The following DAAM2 variants were observed in gnomAD, a reference collection of about 807,000 sequenced individuals.
DAAM2 encodes the protein dishevelled associated activator of morphogenesis 2.
In DAAM2, 39 loss-of-function variants were observed where a neutral mutation model predicts 120.7. That is an observed-to-expected ratio of 0.32 (90% confidence interval 0.25 to 0.42). The LOEUF (loss-of-function observed/expected upper bound fraction) is 0.42, where lower values mean the gene tolerates loss of function less well. Ranked by LOEUF, DAAM2 falls within the 10% of genes least tolerant of loss-of-function variation. The pLI is 1.00. For synonymous variants in DAAM2, 488 were observed against 524.9 expected (o/e 0.93, Z 0.96); for missense variants, 1,283 against 1,401.7 (o/e 0.92, Z 1.35).
At chr6:39,853,746 C>T (rs781494192) in intron 1 of DAAM2, among the ~76,000 whole-genome samples, 5 of 152,204 alleles carry the variant, frequency 3.3e-5, no homozygotes, top group Non-Finnish European at 7.3e-5. Context: ...CCTCATGGTG[C>T]TGTCATCCCA....
intron 1 of DAAM2, among the ~76,000 whole-genome samples, chr6:39,846,827 G>A (rs1472464428): frequency 6.6e-6 from 1 of 151,838 alleles, no homozygotes; most frequent in Non-Finnish European, 1.5e-5. Context: ...CTCTTAGCAT[G>A]GTACTTAGGG....
At position 39,902,569 on chromosome 6, in the gene DAAM2, T is replaced by C. The variant is rs1766554933; in HGVS notation, c.*532T>C. 1.3e-5 allele frequency: 2 copies of C among 152,472 alleles called. No individual in the cohort carries two copies. Among genetic ancestry groups the C allele is most frequent in the African/African-American group, 4.8e-5 (2 of 41,446 alleles). The allele number at this position is 152,472 out of a possible 1,614,324, so 9.4% of individuals were successfully genotyped here. ...GGAACAGAGGAGGCATTATATATTC[T>C]AGTTAGATCAGCTCTGGTAGGTTCC... On this transcript the variant is annotated 3_prime_UTR_variant, in exon 25 of 25. Transcript: ENST00000274867.
intron 19 of DAAM2, among the ~76,000 whole-genome samples, chr6:39,894,950 A>G (rs780976581): frequency 6.6e-6 from 1 of 152,108 alleles, no homozygotes; most frequent in Non-Finnish European, 1.5e-5. Context: ...GGAATGATAG[A>G]GTATGAATAA....
intron 1 of DAAM2, among the ~76,000 whole-genome samples, chr6:39,800,077 C>A (rs1761814366): frequency 6.6e-6 from 1 of 152,192 alleles, no homozygotes; most frequent in South Asian, 2.1e-4. Context: ...ACTTACACAG[C>A]TTTACATATT....
chr6:39,901,136 TGATG>T lies in DAAM2; in HGVS notation c.2812-165_2812-162del, dbSNP rs967014685. On this transcript the variant is annotated intron_variant, in intron 23 of 24. Coordinates refer to ENST00000274867, the MANE Select transcript of DAAM2 (RefSeq NM_001201427.2). The surrounding 1 kb of genome is among the most constrained non-coding windows in gnomAD (Gnocchi z 4.5). Reference sequence around the variant, plus strand: ...CTCTCCTTAGCCTTGTCTCTGATCCTGATGATGATGGGGGTGTCTTCTCACCTCT... The same window carrying T: ...CTCTCCTTAGCCTTGTCTCTGATCCTATGATGGGGGTGTCTTCTCACCTCT... Among the ~76,000 whole-genome samples the T allele has an allele frequency of 2.0e-5, 3 of 152,062 alleles. No individual in the cohort carries two copies. The highest frequency in any genetic ancestry group is 4.8e-5 in the African/African-American group (2 of 41,408).
chr6:39,810,159 T>A (rs1208752748), intron 1 of DAAM2, among the ~76,000 whole-genome samples: 1 of 152,142 alleles, frequency 6.6e-6, no homozygotes, highest in Non-Finnish European at 1.5e-5. Context: ...TGAATAGAGG[T>A]CCCAAACTGC....
At chr6:39,869,753 C>CTTTTT (rs531295826) in intron 7 of DAAM2, among the ~76,000 whole-genome samples, 3 of 102,036 alleles carry the variant, frequency 2.9e-5, no homozygotes, top group Admixed American at 1.1e-4. Context: ...CGCCAGCATA[C>CTTTTT]TTTTTTTTTT....
chr6:39,804,522 C>CTGTG (rs10688621), intron 1 of DAAM2, among the ~76,000 whole-genome samples: 42,528 of 149,302 alleles, frequency 0.28, 6,194 homozygotes, highest in Non-Finnish European at 0.34. Flanking sequence ...GAGATCAGTT[C>CTGTG]TGTGTGTGTG....
rs1403342617 is a variant in DAAM2 at position 39,902,082 on chromosome 6, G to A, written c.*45G>A. On this transcript the variant is annotated 3_prime_UTR_variant, in exon 25 of 25. Transcript: ENST00000274867. ...AGGAGGCCGGGAGACAGGGACTGGT[G>A]AGAATGGGGCTGAGTGGAGGAGGTG... 3 of 1,515,938 alleles carry A rather than the reference G, an allele frequency of 2.0e-6. No homozygotes were observed. Among genetic ancestry groups the A allele is most frequent in the Non-Finnish European group, 1.8e-6 (2 of 1,107,032 alleles). The allele number at this position is 1,515,938 out of a possible 1,614,324, so 93.9% of individuals were successfully genotyped here.
At chr6:39,857,667 A>G (rs1764060823) in intron 2 of DAAM2, among the ~76,000 whole-genome samples, 1 of 152,176 alleles carries the variant, frequency 6.6e-6, no homozygotes, top group South Asian at 2.1e-4. Context: ...TATTCAACAG[A>G]TATTTACTGA....
At position 39,870,403 on chromosome 6, in the gene DAAM2, A is replaced by G. The variant is rs1294341419; in HGVS notation, c.937A>G (p.Ile313Val). Residue 313 changes from isoleucine (I) to valine (V), a missense_variant, in exon 8 of 25, where the codon ATT becomes GTT. By Grantham distance (29) the Ile-to-Val change is conservative. Transcript: ENST00000274867. ...EFLMLGIQPV[I>V]DKLRQHENAI... is the part of the protein sequence containing the mutation. ...CCTGATGCTGGGTATACAGCCTGTGATTGACAAGCTCCGGCAACATGAAAA... is the reference window on the plus strand; with the variant it reads ...CCTGATGCTGGGTATACAGCCTGTGGTTGACAAGCTCCGGCAACATGAAAA... 3.1e-6 allele frequency: 5 copies of G among 1,587,314 alleles called. No individual in the cohort carries two copies. Among genetic ancestry groups the G allele is most frequent in the East Asian group, 2.3e-5 (1 of 43,964 alleles).
At chr6:39,828,111 C>T (rs1052702466) in intron 1 of DAAM2, among the ~76,000 whole-genome samples, 5 of 152,212 alleles carry the variant, frequency 3.3e-5, no homozygotes, top group African/African-American at 9.7e-5. Flanking sequence ...GTCTGACTCT[C>T]GCTAGACTAT....
rs373784214 is a variant in DAAM2 at position 39,875,310 on chromosome 6, T to C, written c.1163-20T>C. On this transcript the variant is annotated intron_variant, in intron 10 of 24. Coordinates refer to ENST00000274867, the MANE Select transcript of DAAM2 (RefSeq NM_001201427.2). ...GGGACTTCAGGACTCAGGAAAGATA[T>C]GATACCTGTCATCCCTCAGACAAAC... The C allele has an allele frequency of 2.9e-5, 46 of 1,611,248 alleles. No homozygotes were observed. Among genetic ancestry groups the C allele is most frequent in the Non-Finnish European group, 3.5e-5 (41 of 1,178,486 alleles).
chr6:39,888,890 G>A, intron 17 of DAAM2, 127 bp downstream of exon 17: 1 of 576,926 alleles, frequency 1.7e-6, no homozygotes, highest in South Asian at 3.4e-5. Context: ...TAGGGAGAAG[G>A]TTTATAGAAG....
intron 1 of DAAM2, among the ~76,000 whole-genome samples, chr6:39,812,254 C>G (rs764824713): frequency 6.6e-6 from 1 of 152,186 alleles, no homozygotes; most frequent in Non-Finnish European, 1.5e-5. Flanking sequence ...CTAAATAATA[C>G]CTACCATGTA....
chr6:39,868,720 TGG>T, intron 6 of DAAM2, 101 bp from the exon 7 acceptor site: 2 of 793,322 alleles, frequency 2.5e-6, no homozygotes, highest in Non-Finnish European at 4.2e-6. Context: ...AGAGAGCAGA[TGG>T]GGCATTCTAG....
Position 39,891,724 on chromosome 6 carries a change from TAGGG to T in DAAM2, c.2341+3_2341+6del. On this transcript the variant is annotated splice_donor_5th_base_variant and intron_variant, in intron 19 of 24. Transcript: ENST00000274867. ...CTGAGGCAAAGCCCAAAGTGGAAGG[TAGGG>T]CTGAGGGTTGCAGGAGGCTTAGAGT... 6.3e-7 allele frequency: 1 copy of T among 1,596,928 alleles called. No individual in the cohort carries two copies. Among genetic ancestry groups the T allele is most frequent in the Non-Finnish European group, 8.5e-7 (1 of 1,171,822 alleles).
chr6:39,869,906 G>A (rs1284271428), intron 7 of DAAM2, among the ~76,000 whole-genome samples: 1 of 151,870 alleles, frequency 6.6e-6, no homozygotes, highest in African/African-American at 2.4e-5. Flanking sequence ...CTGATTAGCT[G>A]GTAACCACAC....
intron 1 of DAAM2, among the ~76,000 whole-genome samples, chr6:39,818,199 A>AAC (rs1762369856): frequency 6.8e-6 from 1 of 147,786 alleles, no homozygotes; most frequent in South Asian, 2.1e-4. Flanking sequence ...AAAAAAAAAA[A>AAC]AAAAAAACTT....
Sources: gnomAD v4.1 joint callset for allele counts (sites outside exome capture counted in the v4.1 genomes callset) on GRCh38, gnomAD v4.1.1 for gene constraint, Gnocchi (gnomAD v3.1) non-coding constraint, MANE v1.5 for transcripts, NCBI Gene and HGNC (gene_info 2026-07-23, HGNC 2026-07-21) for gene names.